The following DENND4C variants were observed in gnomAD, a reference collection of about 807,000 sequenced individuals.
The protein encoded by DENND4C is DENN domain-containing protein 4C.
Under a neutral mutation model 203.0 loss-of-function variants are expected in DENND4C, and 108 were observed. The observed-to-expected ratio is 0.53, with a 90% confidence interval of 0.46 to 0.62. The LOEUF is 0.62. DENND4C is among the 20% of genes least tolerant of loss of function. The pLI, the probability that DENND4C is intolerant of heterozygous loss-of-function variation, is 0.00. For synonymous variants in DENND4C, 871 were observed against 792.4 expected (o/e 1.10, Z -1.67); for missense variants, 2,481 against 2,301.2 (o/e 1.08, Z -1.60).
intron 2 of DENND4C, among the ~76,000 whole-genome samples, chr9:19,285,107 A>T (rs1453212140): frequency 1.3e-5 from 2 of 152,128 alleles, no homozygotes; most frequent in Non-Finnish European, 2.9e-5. Context: ...ATAACAATCC[A>T]GTTATCTAAG....
intron 1 of DENND4C, among the ~76,000 whole-genome samples, chr9:19,248,949 G>A (rs1050492314): frequency 6.6e-6 from 1 of 151,366 alleles, no homozygotes; most frequent in African/African-American, 2.4e-5. Flanking sequence ...AGCCACTACG[G>A]CCAGCTAATT....
chr9:19,233,875 A>T (rs866086068), intron 1 of DENND4C, among the ~76,000 whole-genome samples: 72 of 152,234 alleles, frequency 4.7e-4, no homozygotes, highest in African/African-American at 1.7e-3. Flanking sequence ...GAGCCACCAC[A>T]CCCAGCCTTT....
intron 1 of DENND4C, among the ~76,000 whole-genome samples, chr9:19,273,265 T>C (rs1190178638): frequency 6.6e-6 from 1 of 151,882 alleles, no homozygotes; most frequent in Non-Finnish European, 1.5e-5. Flanking sequence ...TTGTATTTTT[T>C]AGTAGAGATG....
In DENND4C at chr9:19,279,105, C is replaced by T. The variant is rs534327451; in HGVS notation, c.305+2626C>T. Among the ~76,000 whole-genome samples, 14 of 136,292 alleles carry T rather than the reference C, an allele frequency of 1.0e-4. 4 individuals are homozygous for T. The East Asian group carries it at 3.3e-3, about 32-fold the overall frequency. 89.4% of individuals were successfully genotyped at this position (136,292 alleles called of 152,430 possible). A position where few individuals can be genotyped will look rare whatever the true frequency, so the allele number is the denominator to read the frequency against. On this transcript the variant is annotated intron_variant, in intron 2 of 32. Transcript: ENST00000434457. ...CAGCACTTTGGGAGGCCGAGGCAAG[C>T]GGATCACAAGGTCAAGGGATCAAGA... is the stretch of plus-strand genomic sequence containing the variant.
At chr9:19,253,045 A>G (rs1236619598) in intron 1 of DENND4C, among the ~76,000 whole-genome samples, 2 of 152,192 alleles carry the variant, frequency 1.3e-5, no homozygotes, top group East Asian at 3.8e-4. Context: ...GCCAGTCAGT[A>G]TATTTCATAA....
chr9:19,325,996 A>G (rs1280024212), intron 14 of DENND4C, 22 bp downstream of exon 14: 9 of 1,608,888 alleles, frequency 5.6e-6, no homozygotes, highest in African/African-American at 1.3e-5. Context: ...TTAGATTTTA[A>G]GGGTTGAAAT....
chr9:19,337,812 T>C (rs947303850), intron 20 of DENND4C: 2 of 358,820 alleles, frequency 5.6e-6, no homozygotes, highest in South Asian at 2.3e-5. Context: ...TGTAATCATA[T>C]ATAGACTCTT....
At position 19,326,182 on chromosome 9, in the gene DENND4C, C is replaced by T. The variant is rs147818748; in HGVS notation, c.2108C>T (p.Ser703Leu). 3.0e-5 allele frequency: 48 copies of T among 1,611,042 alleles called. No homozygotes were observed. The South Asian group carries it at 5.1e-4, about 17-fold the overall frequency. Reference sequence around the variant, plus strand: ...CCTCCTGATGATGGAAAGGACCTGTCACCAAAGTACAGGTAGTAGGAAGTT... The same window carrying T: ...CCTCCTGATGATGGAAAGGACCTGTTACCAAAGTACAGGTAGTAGGAAGTT... The part of the protein sequence containing the change: ...EPPPDDGKDL[S>L]PKYSYKYFPR... Residue 703 changes from serine to leucine, a missense_variant, in exon 15 of 33, where the codon TCA becomes TTA. By Grantham distance (145) the Ser-to-Leu change is moderately radical. This residue lies in a region of DENND4C where 2,289 missense variants were observed against 2,113.3 expected (regional missense o/e 1.08). Transcript: ENST00000434457.
chr9:19,329,362 G>A (rs1337891393), intron 16 of DENND4C, among the ~76,000 whole-genome samples: 3 of 152,086 alleles, frequency 2.0e-5, no homozygotes, highest in African/African-American at 7.2e-5. Context: ...AACATTTCAG[G>A]ATTCATCCAC....
At chr9:19,235,662 G>A (rs984090176) in intron 1 of DENND4C, among the ~76,000 whole-genome samples, 16 of 145,404 alleles carry the variant, frequency 1.1e-4, no homozygotes, top group African/African-American at 3.8e-4. Context: ...CCAGGCTGGA[G>A]TGCAGTGGCG....
chr9:19,348,274 A>G (rs937003128), intron 23 of DENND4C, among the ~76,000 whole-genome samples: 5 of 152,224 alleles, frequency 3.3e-5, no homozygotes, highest in Admixed American at 1.3e-4. Context: ...TAGTAGAACT[A>G]TGATTTGAAG....
At chr9:19,296,684 T>C (rs1837543641) in intron 6 of DENND4C, among the ~76,000 whole-genome samples, 1 of 152,218 alleles carries the variant, frequency 6.6e-6, no homozygotes, top group Admixed American at 6.5e-5. Context: ...TCATTGACTG[T>C]GAGCTTAAAA....
At chr9:19,316,953 T>C in intron 12 of DENND4C, 114 bp downstream of exon 12, 1 of 966,106 alleles carries the variant, frequency 1.0e-6, no homozygotes, top group Non-Finnish European at 1.5e-6. Context: ...CATTCAAATA[T>C]AATGAACCTC....
rs370763950 is a variant in DENND4C, at chr9:19,298,079, A to G, written c.1064A>G (p.Asn355Ser). The change falls in exon 7 of 33, where the codon AAC (asparagine) becomes AGC (serine). Residue 355 changes from asparagine to serine, a missense_variant. By Grantham distance (46) the Asn-to-Ser change is conservative (BLOSUM62 1). Coordinates refer to ENST00000434457, the MANE Select transcript of DENND4C (RefSeq NM_001330640.2). ...IEKHISHFMQ[N>S]IPFPSPQRPR... ...AGGCACATTTCACATTTTATGCAAA[A>G]CATCCCTTTTCCTTCACCACAAAGA... is the stretch of plus-strand genomic sequence containing the variant. 8 of 1,610,442 alleles carry G rather than the reference A, an allele frequency of 5.0e-6. No homozygotes were observed. Among genetic ancestry groups the G allele is most frequent in the East Asian group, 2.2e-5 (1 of 44,714 alleles).
At chr9:19,267,379 G>A (rs1830713891) in intron 1 of DENND4C, among the ~76,000 whole-genome samples, 1 of 151,804 alleles carries the variant, frequency 6.6e-6, no homozygotes, top group South Asian at 2.1e-4. Flanking sequence ...CTCTTTTTAT[G>A]GTTTTTATCT....
At chr9:19,244,104 C>T (rs1824491506) in intron 1 of DENND4C, among the ~76,000 whole-genome samples, 3 of 152,072 alleles carry the variant, frequency 2.0e-5, no homozygotes, top group Admixed American at 6.5e-5. Flanking sequence ...AATCTCGGCT[C>T]ACTGCCGCCT....
chr9:19,279,697 A>G (rs1833642132), intron 2 of DENND4C, among the ~76,000 whole-genome samples: 1 of 151,474 alleles, frequency 6.6e-6, no homozygotes, highest in Non-Finnish European at 1.5e-5. Context: ...AAAAAAAAAA[A>G]TTAGCAAGGT....
At chr9:19,268,118 C>T (rs539424638) in intron 1 of DENND4C, among the ~76,000 whole-genome samples, 3 of 148,712 alleles carry the variant, frequency 2.0e-5, no homozygotes, top group East Asian at 4.0e-4. Flanking sequence ...TTTTTTTTCC[C>T]GTACAGAGTC....
chr9:19,355,349 G>T (rs528867838), intron 26 of DENND4C, among the ~76,000 whole-genome samples: 1 of 152,164 alleles, frequency 6.6e-6, no homozygotes, highest in South Asian at 2.1e-4. Context: ...TTGGAATCTT[G>T]TTTTTAAAGT....
Sources: allele counts gnomAD v4.1 joint callset (sites outside exome capture counted in the v4.1 genomes callset), GRCh38; gene constraint gnomAD v4.1.1; regional missense constraint gnomAD v4.1.1; transcripts MANE v1.5; gene names NCBI Gene and HGNC (gene_info 2026-07-23, HGNC 2026-07-21).